The following BMPR2 variants were observed in gnomAD, a reference collection of about 807,000 sequenced individuals.
BMPR2 encodes the protein bone morphogenetic protein receptor type-2.
Under a neutral mutation model 100.8 loss-of-function variants are expected in BMPR2, and 29 were observed. That is an observed-to-expected ratio of 0.29 (90% confidence interval 0.21 to 0.39). The LOEUF (loss-of-function observed/expected upper bound fraction) is 0.39, where lower values mean the gene tolerates loss of function less well. Among genes scored for constraint, BMPR2 ranks in the 10% least tolerant of loss-of-function variants. The probability of loss-of-function intolerance (pLI) is 1.00; values close to 1 mark genes in which losing one functional copy is unlikely to be tolerated. For missense variants in BMPR2, 1,011 were observed against 1,274.5 expected (o/e 0.79, Z 3.15); for synonymous variants, 382 against 442.3 (o/e 0.86, Z 1.71).
At chr2:202,530,720 A>G (rs1375904483) in intron 7 of BMPR2, 74 bp from the exon 8 acceptor site, 12 of 1,324,116 alleles carry the variant, frequency 9.1e-6, no homozygotes, top group South Asian at 2.6e-5. Flanking sequence ...TACTACTTCT[A>G]TATTTATGTA....
rs1391680889 is a variant in BMPR2 at position 202,561,475 on chromosome 2, T to C, written c.*1529T>C. 6.6e-6 allele frequency: 1 copy of C among 152,136 alleles called. No homozygotes were observed. The highest frequency in any genetic ancestry group is 2.4e-5 in the African/African-American group (1 of 41,450). 9.4% of individuals were successfully genotyped at this position (152,136 alleles called of 1,614,324 possible). A position where few individuals can be genotyped will look rare whatever the true frequency, so the allele number is the denominator to read the frequency against. ...CATGTTTTTTTTAAATAAAGCACTT[T>C]CTGTCAAATAATGGACTTTTTTCTA... On this transcript the variant is annotated 3_prime_UTR_variant, in exon 13 of 13. Coordinates refer to ENST00000374580, the MANE Select transcript of BMPR2 (RefSeq NM_001204.7).
intron 1 of BMPR2, among the ~76,000 whole-genome samples, chr2:202,423,824 G>A (rs958381918): frequency 3.9e-5 from 6 of 152,138 alleles, no homozygotes; most frequent in African/African-American, 1.4e-4. Context: ...GGAGGCCGGG[G>A]TGGTTGGATT....
intron 1 of BMPR2, among the ~76,000 whole-genome samples, chr2:202,437,914 C>CT (rs748664499): frequency 0.02 from 3,064 of 150,530 alleles, 67 homozygotes; most frequent in South Asian, 0.038. Flanking sequence ...GTGAATAATG[C>CT]CATTATGAGT....
At chr2:202,510,560 G>A (rs1687600730) in intron 3 of BMPR2, among the ~76,000 whole-genome samples, 1 of 152,074 alleles carries the variant, frequency 6.6e-6, no homozygotes, top group African/African-American at 2.4e-5. Context: ...AAATATCCTT[G>A]TATAGTCATG....
At chr2:202,531,108 G>A (rs937873975) in intron 8 of BMPR2, among the ~76,000 whole-genome samples, 154 bp downstream of exon 8, 1 of 152,192 alleles carries the variant, frequency 6.6e-6, no homozygotes, top group Admixed American at 6.5e-5. Context: ...TTCGAGACCA[G>A]CTTGGCCAAC....
At chr2:202,436,848 G>T (rs1691624818) in intron 1 of BMPR2, among the ~76,000 whole-genome samples, 1 of 150,634 alleles carries the variant, frequency 6.6e-6, no homozygotes, top group Non-Finnish European at 1.5e-5. Context: ...CAAGAAACAT[G>T]ACTCTAGAAT....
intron 3 of BMPR2, among the ~76,000 whole-genome samples, chr2:202,479,813 GTA>G (rs1343985477): frequency 3.9e-5 from 6 of 152,050 alleles, no homozygotes; most frequent in Non-Finnish European, 8.8e-5. Context: ...TGTGTATGAT[GTA>G]ATATCTCATT....
intron 1 of BMPR2, among the ~76,000 whole-genome samples, chr2:202,415,596 C>T (rs575765570): frequency 1.8e-4 from 28 of 152,238 alleles, no homozygotes; most frequent in African/African-American, 6.3e-4. Context: ...AAGTTGAAGC[C>T]GATGGTTATT....
At chr2:202,475,490 A>C (rs1373102059) in intron 3 of BMPR2, among the ~76,000 whole-genome samples, 1 of 152,202 alleles carries the variant, frequency 6.6e-6, no homozygotes, top group African/African-American at 2.4e-5. Context: ...CTTTAGGAAA[A>C]TATTAATTCT....
intron 1 of BMPR2, among the ~76,000 whole-genome samples, chr2:202,422,465 C>G (rs1691285387): frequency 6.6e-6 from 1 of 151,458 alleles, no homozygotes; most frequent in African/African-American, 2.4e-5. Context: ...CGCCACCATG[C>G]CCGGCTAATT....
chr2:202,448,898 T>C (rs1691913450), intron 1 of BMPR2, among the ~76,000 whole-genome samples: 1 of 151,338 alleles, frequency 6.6e-6, no homozygotes, highest in African/African-American at 2.4e-5. Context: ...TTGGGAAAGC[T>C]TGGATTATTT....
intron 3 of BMPR2, among the ~76,000 whole-genome samples, chr2:202,486,120 C>T (rs999668331): frequency 7.2e-5 from 11 of 152,084 alleles, no homozygotes; most frequent in African/African-American, 2.7e-4. Context: ...CCCCCATACA[C>T]TTTCACATCC....
chr2:202,552,294 A>G (rs1315028841), intron 10 of BMPR2, among the ~76,000 whole-genome samples: 1 of 152,192 alleles, frequency 6.6e-6, no homozygotes, highest in East Asian at 1.9e-4. Flanking sequence ...CCAACCAAGT[A>G]TCCTTAACTG....
intron 3 of BMPR2, among the ~76,000 whole-genome samples, chr2:202,498,756 A>G (rs1428710543): frequency 2.0e-5 from 3 of 152,056 alleles, no homozygotes; most frequent in Non-Finnish European, 4.4e-5. Context: ...GCTTGGCCCC[A>G]ATATTCTCTT....
At chr2:202,403,844 A>G (rs1401130061) in intron 1 of BMPR2, among the ~76,000 whole-genome samples, 1 of 152,026 alleles carries the variant, frequency 6.6e-6, no homozygotes, top group African/African-American at 2.4e-5. Flanking sequence ...TGTCTCTACT[A>G]AAAATACAAA....
intron 1 of BMPR2, among the ~76,000 whole-genome samples, chr2:202,383,401 C>G: frequency 6.6e-6 from 1 of 152,164 alleles, no homozygotes; most frequent in East Asian, 1.9e-4. Context: ...CAAAATTAGG[C>G]CAGTTGCCAT....
rs531421719 is a variant in BMPR2, at chr2:202,536,754, C to T, written c.1276+4022C>T. 9.0e-4 allele frequency among the ~76,000 whole-genome samples: 137 copies of T among 151,912 alleles called. 1 individual carries two copies. The highest frequency in any genetic ancestry group is 3.1e-3 in the African/African-American group (128 of 41,452). On this transcript the variant is annotated intron_variant, in intron 9 of 12. Coordinates refer to ENST00000374580, the MANE Select transcript of BMPR2 (RefSeq NM_001204.7). ...GGATGTGGTGGCACATGCCTGTAAT[C>T]CCAGCTACTTGGGAGGCTGAGGCAG...
chr2:202,398,260 A>T (rs1284077058), intron 1 of BMPR2, among the ~76,000 whole-genome samples: 2 of 152,216 alleles, frequency 1.3e-5, no homozygotes, highest in Non-Finnish European at 2.9e-5. Flanking sequence ...TCAATGAGAT[A>T]TCAATTGATA....
intron 8 of BMPR2, among the ~76,000 whole-genome samples, chr2:202,531,735 A>T (rs189052572): frequency 6.6e-6 from 1 of 151,896 alleles, no homozygotes; most frequent in African/African-American, 2.4e-5. Context: ...AGGTTGAAGC[A>T]ATTCTCCTGC....
Sources: allele counts gnomAD v4.1 joint callset (sites outside exome capture counted in the v4.1 genomes callset), GRCh38; gene constraint gnomAD v4.1.1; transcripts MANE v1.5; gene names NCBI Gene and HGNC (gene_info 2026-07-23, HGNC 2026-07-21).